CCP110: variants seen among roughly 807,000 people sequenced by gnomAD.
CCP110 encodes centriolar coiled-coil protein 110, also known as centriolar coiled-coil protein of 110 kDa.
Under a neutral mutation model 105.5 loss-of-function variants are expected in CCP110, and 43 were observed. The ratio of observed to expected loss-of-function variants is 0.41; its 90% CI spans 0.32 to 0.53. CCP110 has a LOEUF of 0.53. Ranked by LOEUF, CCP110 falls within the 20% of genes least tolerant of loss-of-function variation. The probability of loss-of-function intolerance (pLI) is 0.32; values close to 1 mark genes in which losing one functional copy is unlikely to be tolerated. For synonymous variants in CCP110, 353 were observed against 392.1 expected, an observed-to-expected ratio of 0.90 and a Z score of 1.18; for missense variants, 1,016 against 1,189.1, an observed-to-expected ratio of 0.85 and a Z score of 2.14.
exon 4 of CCP110, chr16:19,536,993 G>T: frequency 6.2e-7 from 1 of 1,614,218 alleles, no homozygotes; most frequent in Non-Finnish European, 8.5e-7. Context: ...CAAGGTTTAT[G>T]TGGGCAAAAA....
intron 14 of CCP110, among the ~76,000 whole-genome samples, chr16:19,550,443 G>A (rs906971722): frequency 2.0e-5 from 3 of 152,138 alleles, no homozygotes; most frequent in East Asian, 1.9e-4. Flanking sequence ...GTAAGCCACC[G>A]CGTCCAGCCA....
chr16:19,541,649 GGAGAGAGAGAGAGAGA>G (rs142905705), intron 5 of CCP110, among the ~76,000 whole-genome samples: 1 of 128,814 alleles, frequency 7.8e-6, no homozygotes, highest in African/African-American at 3.0e-5. Context: ...GAGAGAGAGA[GGAGAGAGAGAGAGAGA>G]GAGAGAGAGA....
rs1186386374 is a variant in CCP110, at chr16:19,545,892, T to G, written c.2777+2T>G. On this transcript the variant is annotated splice_donor_variant, in intron 11 of 14. Transcript: ENST00000381396. LOFTEE classifies it high-confidence loss of function. ...TCTTGATAGGAAGAAATACATGAAGTAAGTTTTTTGTATCATGTCATGTTA... is the reference window on the plus strand; with the variant it reads ...TCTTGATAGGAAGAAATACATGAAGGAAGTTTTTTGTATCATGTCATGTTA... 6.4e-7 allele frequency: 1 copy of G among 1,573,562 alleles called. No homozygotes were observed. Among genetic ancestry groups the G allele is most frequent in the Non-Finnish European group, 8.7e-7 (1 of 1,145,450 alleles).
At chr16:19,543,592 C>T (rs1293967363) in intron 8 of CCP110, among the ~76,000 whole-genome samples, 1 of 152,194 alleles carries the variant, frequency 6.6e-6, no homozygotes, top group South Asian at 2.1e-4. Context: ...CCATATTTTT[C>T]GTCTTGCAGA....
At chr16:19,546,521 A>G in intron 12 of CCP110, 47 bp downstream of exon 12, 1 of 1,226,072 alleles carries the variant, frequency 8.2e-7, no homozygotes, top group Middle Eastern at 2.0e-4. Flanking sequence ...TGTTTTTTAT[A>G]GAAAAAAAAA....
chr16:19,526,745 A>T (rs755761198), intron 1 of CCP110: 3 of 151,986 alleles, frequency 2.0e-5, no homozygotes, highest in Non-Finnish European at 4.4e-5. Flanking sequence ...CTGAATTTTT[A>T]AGTACTTTGA....
intron 14 of CCP110, among the ~76,000 whole-genome samples, chr16:19,550,792 G>A (rs1311703905): frequency 6.6e-6 from 1 of 152,204 alleles, no homozygotes; most frequent in Non-Finnish European, 1.5e-5. Context: ...AATCTCTGAT[G>A]TTATCGTAAG....
chr16:19,539,111 C>CAA (rs749891365), intron 4 of CCP110, among the ~76,000 whole-genome samples: 9 of 121,238 alleles, frequency 7.4e-5, no homozygotes, highest in South Asian at 2.6e-4. Context: ...GATTCCATCT[C>CAA]AAAAAAAAAA....
At position 19,526,607 on chromosome 16, in the gene CCP110, G is replaced by C. The variant is rs567300470; in HGVS notation, c.-15-1260G>C. ...TGATTGAATAGTAGGAAGAAGTTTT[G>C]TTATTGATTAAACTATTTAGAAAAA... On this transcript the variant is annotated intron_variant, in intron 1 of 14. Transcript: ENST00000381396. 7.2e-5 allele frequency: 11 copies of C among 152,058 alleles called. No homozygotes were observed. The East Asian group carries it at 2.1e-3, about 29-fold the overall frequency. 9.4% of individuals were successfully genotyped at this position (152,058 alleles called of 1,614,324 possible).
exon 15 of CCP110, chr16:19,551,760 A>G (rs2151488053): frequency 6.7e-6 from 1 of 150,004 alleles, no homozygotes; most frequent in South Asian, 2.1e-4. Context: ...TTTGACTTAC[A>G]GTATAACCAT....
chr16:19,537,104 A>T (rs1428939210), exon 4 of CCP110: 1 of 1,614,202 alleles, frequency 6.2e-7, no homozygotes, highest in East Asian at 2.2e-5. Flanking sequence ...TGGACTTGTT[A>T]CTGTGGAAGG....
intron 7 of CCP110, 41 bp from the exon 8 acceptor site, chr16:19,542,837 A>C: frequency 1.3e-6 from 2 of 1,522,926 alleles, no homozygotes; most frequent in Non-Finnish European, 1.8e-6. Flanking sequence ...GACTGTATAA[A>C]TGAACACCAA....
At chr16:19,543,425 A>G (rs2151479430) in intron 8 of CCP110, among the ~76,000 whole-genome samples, 1 of 152,328 alleles carries the variant, frequency 6.6e-6, no homozygotes, top group East Asian at 1.9e-4. Flanking sequence ...TCACCTCAGG[A>G]CCACTATTGT....
chr16:19,548,554 A>G lies in CCP110; in HGVS notation c.2940A>G (p.Arg980=), dbSNP rs776820385. The G allele has an allele frequency of 6.5e-7, 1 of 1,550,166 alleles. No homozygotes were observed. The change falls in exon 14 of 15, where the codon AGA becomes AGG. Residue 980 remains arginine (R), a synonymous_variant. Transcript: ENST00000381396. The surrounding 1 kb of genome is among the most constrained non-coding windows in gnomAD (Gnocchi z 4.1). ...CAGTGAAGGGGGTTGTGCAAAATAG[A>G]CAGAAGCCTTCACAGAGCAGAGTGC...
In CCP110 at chr16:19,536,777, AG is replaced by A. The variant is rs1264195767; in HGVS notation, c.1109del (p.Ser370IlefsTer2). The A allele has an allele frequency of 6.2e-7, 1 of 1,614,096 alleles. No individual in the cohort carries two copies. The highest frequency in any genetic ancestry group is 8.5e-7 in the Non-Finnish European group (1 of 1,180,040). Reference sequence around the variant, plus strand: ...TGCCAAATTACCTAGTCCAGAGCCAAGTATGAGTCCTAAAATGCACCGAAGA... The same window carrying A: ...TGCCAAATTACCTAGTCCAGAGCCAATATGAGTCCTAAAATGCACCGAAGA... On this transcript the variant is annotated frameshift_variant, in exon 4 of 15. Coordinates refer to ENST00000381396, the Ensembl canonical transcript of CCP110. LOFTEE classifies it high-confidence loss of function.
chr16:19,536,738 C>T, exon 4 of CCP110: 1 of 1,614,094 alleles, frequency 6.2e-7, no homozygotes, highest in Non-Finnish European at 8.5e-7. Context: ...TATCAAAAGT[C>T]TTACAGGTTC....
rs1286591313 is a variant in CCP110, at chr16:19,548,380, C to T, written c.2901-135C>T. 6 of 626,134 alleles carry T rather than the reference C, an allele frequency of 9.6e-6. No individual in the cohort carries two copies. The highest frequency in any genetic ancestry group is 3.7e-5 in the African/African-American group (2 of 54,320). 38.8% of individuals were successfully genotyped at this position (626,134 alleles called of 1,614,324 possible). On this transcript the variant is annotated intron_variant, in intron 13 of 14. Transcript: ENST00000381396. The surrounding 1 kb of genome is among the most constrained non-coding windows in gnomAD (Gnocchi z 4.1). ...CCAGAGTTTAGCTTTCCTTACTGTG[C>T]GCATGCATGAGACTTCAGTTCTTTT...
At chr16:19,542,627 C>T in exon 7 of CCP110, 1 of 1,609,382 alleles carries the variant, frequency 6.2e-7, no homozygotes, top group South Asian at 1.1e-5. Context: ...CTAGGTTTCA[C>T]AAATTCTGCC....
chr16:19,543,179 C>T (rs1970348596), intron 8 of CCP110, among the ~76,000 whole-genome samples, 185 bp downstream of exon 8: 1 of 152,156 alleles, frequency 6.6e-6, no homozygotes, highest in South Asian at 2.1e-4. Flanking sequence ...CCAGCTGGAG[C>T]CGCAGCAAAG....
Sources: allele counts gnomAD v4.1 joint callset (sites outside exome capture counted in the v4.1 genomes callset), GRCh38; gene constraint gnomAD v4.1.1; non-coding constraint Gnocchi (gnomAD v3.1); transcripts MANE v1.5; gene names NCBI Gene and HGNC (gene_info 2026-07-23, HGNC 2026-07-21).